The following ARNT2 variants were observed in gnomAD, a reference collection of about 807,000 sequenced individuals.
The protein encoded by ARNT2 is aryl hydrocarbon receptor nuclear translocator 2, also known as ARNT protein 2.
Under a neutral mutation model 91.7 loss-of-function variants are expected in ARNT2, and 36 were observed. That is an observed-to-expected ratio of 0.39 (90% CI 0.30 to 0.52). The LOEUF is 0.52. ARNT2 is among the 20% of genes least tolerant of loss of function. The probability of loss-of-function intolerance (pLI) is 0.72; values close to 1 mark genes in which losing one functional copy is unlikely to be tolerated. For synonymous variants in ARNT2, 365 were observed against 347.1 expected (o/e 1.05, Z -0.57); for missense variants, 775 against 939.3 (o/e 0.83, Z 2.29).
intron 1 of ARNT2, among the ~76,000 whole-genome samples, chr15:80,412,506 G>A (rs1193606567): frequency 6.6e-6 from 1 of 151,126 alleles, no homozygotes; most frequent in East Asian, 1.9e-4. Context: ...GTGTGTGTGT[G>A]TATATATATA....
chr15:80,559,315 TCCCAGCCCCAGACCCAGC>T (rs1378475481), intron 11 of ARNT2, among the ~76,000 whole-genome samples: 188 of 151,468 alleles, frequency 1.2e-3, no homozygotes, highest in African/African-American at 4.3e-3. Flanking sequence ...GTGCCGGCAG[TCCCAGCCCCAGACCCAGC>T]CCCAGCCCCA....
At position 80,414,164 on chromosome 15, in the gene ARNT2, G is replaced by A. The variant is rs115655261; in HGVS notation, c.31+9618G>A. 4.8e-3 allele frequency among the ~76,000 whole-genome samples: 725 copies of A among 152,298 alleles called. 4 individuals are homozygous for A. Among genetic ancestry groups the A allele is most frequent in the African/African-American group, 0.016 (685 of 41,552 alleles). ...AGAAACCTGGGCACAGAGGCCAAACGTGTATCCACACAGTGCTTCTCAACT... is the reference window on the plus strand; with the variant it reads ...AGAAACCTGGGCACAGAGGCCAAACATGTATCCACACAGTGCTTCTCAACT... On this transcript the variant is annotated intron_variant, in intron 1 of 18. Transcript: ENST00000303329.
In ARNT2 at chr15:80,593,848, A is replaced by T; in HGVS notation, c.*150A>T. 1.7e-5 allele frequency: 12 copies of T among 692,530 alleles called. No homozygotes were observed. The highest frequency in any genetic ancestry group is 2.8e-5 in the East Asian group (1 of 36,282). 42.9% of individuals were successfully genotyped at this position (692,530 alleles called of 1,614,324 possible). On this transcript the variant is annotated 3_prime_UTR_variant, in exon 19 of 19. Transcript: ENST00000303329. ...CCCGCTGTGTGTCCCCAGGCGCATC[A>T]TTGCTCCACTCTCCCCTGCAGCCGC...
At chr15:80,480,373 A>G (rs1336706973) in intron 5 of ARNT2, among the ~76,000 whole-genome samples, 1 of 152,106 alleles carries the variant, frequency 6.6e-6, no homozygotes, top group East Asian at 1.9e-4. Flanking sequence ...GAGTGAGCAG[A>G]TTCTTTGTGC....
intron 5 of ARNT2, among the ~76,000 whole-genome samples, chr15:80,489,270 G>A (rs1006197788): frequency 1.3e-5 from 2 of 152,212 alleles, no homozygotes; most frequent in South Asian, 2.1e-4. Context: ...AAAAGTGCAC[G>A]TATAGCACTG....
chr15:80,556,200 C>G (rs1446447633), intron 11 of ARNT2: 1 of 152,350 alleles, frequency 6.6e-6, no homozygotes, highest in African/African-American at 2.4e-5. Context: ...AAGAGAATCG[C>G]TTGAACCCGG....
In ARNT2 at chr15:80,593,653, C is replaced by T. The variant is rs767630775; in HGVS notation, c.2109C>T (p.Ile703=). The T allele has an allele frequency of 6.2e-6, 10 of 1,607,580 alleles. No homozygotes were observed. The highest frequency in any genetic ancestry group is 1.6e-4 in the Middle Eastern group (1 of 6,080). Residue 703 remains isoleucine, a synonymous_variant, in exon 19 of 19, where the codon ATC becomes ATT. Transcript: ENST00000303329. ...DPTQGTGNYN[I]EDFADLGMFP... is the part of the protein sequence containing the mutation. ...CCCAGGGGACTGGCAACTATAACAT[C>T]GAAGACTTTGCCGACCTGGGCATGT...
chr15:80,428,722 G>A (rs1191223072), intron 1 of ARNT2, among the ~76,000 whole-genome samples: 2 of 152,188 alleles, frequency 1.3e-5, no homozygotes, highest in Non-Finnish European at 2.9e-5. Flanking sequence ...GGATTCTGAA[G>A]GAAACAGAGA....
chr15:80,528,830 A>C (rs1485372270), intron 8 of ARNT2, among the ~76,000 whole-genome samples: 2 of 152,210 alleles, frequency 1.3e-5, no homozygotes, highest in African/African-American at 4.8e-5. Context: ...CTGTGAGCCA[A>C]ATCAAACCTA....
intron 17 of ARNT2, among the ~76,000 whole-genome samples, chr15:80,582,828 T>C (rs1375820276): frequency 6.6e-6 from 1 of 152,212 alleles, no homozygotes; most frequent in East Asian, 1.9e-4. Context: ...GGTTACCACC[T>C]TGAGCCCAGA....
At chr15:80,415,442 T>C (rs1051084596) in intron 1 of ARNT2, among the ~76,000 whole-genome samples, 1 of 152,226 alleles carries the variant, frequency 6.6e-6, no homozygotes, top group Non-Finnish European at 1.5e-5. Flanking sequence ...ATAAGTATTG[T>C]GAAAGAAAGG....
At position 80,557,648 on chromosome 15, in the gene ARNT2, C is replaced by T. The variant is rs144484754; in HGVS notation, c.1164+2509C>T. Among the ~76,000 whole-genome samples, 8 of 152,248 alleles carry T rather than the reference C, an allele frequency of 5.3e-5. No individual in the cohort carries two copies. In the East Asian group the frequency reaches 1.5e-3, roughly 29 times the overall value. The stretch of plus-strand genomic sequence containing the variant: ...AATGCAGAATGCCTGAATCCTTTCC[C>T]AGCCCCCAGTCCTCCTCTCATCACC... On this transcript the variant is annotated intron_variant, in intron 11 of 18. Coordinates refer to ENST00000303329, the MANE Select transcript of ARNT2 (RefSeq NM_014862.4).
In ARNT2 at chr15:80,559,275, T is replaced by A. The variant is rs553758430; in HGVS notation, c.1165-3813T>A. Among the ~76,000 whole-genome samples the A allele has an allele frequency of 1.1e-3, 172 of 152,270 alleles. 2 individuals carry two copies. In the South Asian group the frequency reaches 0.013, roughly 12 times the overall value. On this transcript the variant is annotated intron_variant, in intron 11 of 18. Coordinates refer to ENST00000303329, the MANE Select transcript of ARNT2 (RefSeq NM_014862.4). ...TCACTCTGTGAGCAGCCACCACATTTCTCCAGTGGGATGGGAGGCCGAGAC... is the reference window on the plus strand; with the variant it reads ...TCACTCTGTGAGCAGCCACCACATTACTCCAGTGGGATGGGAGGCCGAGAC...
intron 1 of ARNT2, among the ~76,000 whole-genome samples, chr15:80,405,426 G>C (rs1197017399): frequency 2.0e-4 from 31 of 152,156 alleles, no homozygotes; most frequent in Admixed American, 2.0e-3. Flanking sequence ...AAGATGCAGG[G>C]AGAGTCACAG....
chr15:80,559,587 G>A (rs1051301256), intron 11 of ARNT2, among the ~76,000 whole-genome samples: 4 of 152,334 alleles, frequency 2.6e-5, no homozygotes, highest in Admixed American at 1.3e-4. Context: ...CAGACAGGAG[G>A]CCCTTAGAAC....
intron 5 of ARNT2, among the ~76,000 whole-genome samples, chr15:80,476,304 T>G (rs1158613137): frequency 6.6e-6 from 1 of 152,202 alleles, no homozygotes; most frequent in Non-Finnish European, 1.5e-5. Context: ...ATGTCTGAGG[T>G]ATGTGAATTT....
chr15:80,468,551 C>T (rs1896690086), intron 3 of ARNT2, among the ~76,000 whole-genome samples: 1 of 152,118 alleles, frequency 6.6e-6, no homozygotes, highest in African/African-American at 2.4e-5. Context: ...AATAGACCTC[C>T]TCTACTTGCT....
At chr15:80,469,034 T>C (rs1205924408) in intron 3 of ARNT2, among the ~76,000 whole-genome samples, 2 of 152,210 alleles carry the variant, frequency 1.3e-5, no homozygotes, top group Non-Finnish European at 2.9e-5. Context: ...CCTGAGTTGT[T>C]TTTTTCTTGC....
chr15:80,492,026 G>T (rs1488127899), intron 5 of ARNT2, among the ~76,000 whole-genome samples: 1 of 151,964 alleles, frequency 6.6e-6, no homozygotes, highest in African/African-American at 2.4e-5. Context: ...TATGCAGAGT[G>T]TCCTTCTTTC....
Sources: gnomAD v4.1 joint callset for allele counts (sites outside exome capture counted in the v4.1 genomes callset) on GRCh38, gnomAD v4.1.1 for gene constraint, MANE v1.5 for transcripts, NCBI Gene and HGNC (gene_info 2026-07-23, HGNC 2026-07-21) for gene names.